Variants in SPAG16 observed in about 807,000 individuals in gnomAD.
The protein encoded by SPAG16 is sperm-associated antigen 16 protein.
Under a neutral mutation model 80.4 loss-of-function variants are expected in SPAG16, and 86 were observed. The ratio of observed to expected loss-of-function variants is 1.07; its 90% CI spans 0.90 to 1.28. The LOEUF is 1.28. Ranked by LOEUF, SPAG16 falls within the 50% of genes most tolerant of loss-of-function variation. The pLI is 0.00. For missense variants in SPAG16, 870 were observed against 765.3 expected (o/e 1.14, Z -1.61); for synonymous variants, 294 against 265.9 (o/e 1.11, Z -1.03).
At chr2:213,550,477 T>C (rs2076748045) in intron 10 of SPAG16, among the ~76,000 whole-genome samples, 2 of 152,114 alleles carry the variant, frequency 1.3e-5, no homozygotes, top group East Asian at 1.9e-4. Context: ...GCTGGTACTT[T>C]TATTTGGAGT....
chr2:213,742,613 G>A (rs567789922), intron 10 of SPAG16, among the ~76,000 whole-genome samples: 14 of 145,760 alleles, frequency 9.6e-5, no homozygotes, highest in South Asian at 2.2e-4. Flanking sequence ...AGTGCGTGGC[G>A]CAATCTCGCC....
chr2:214,045,029 T>A (rs1231356066), intron 13 of SPAG16, among the ~76,000 whole-genome samples: 1 of 152,166 alleles, frequency 6.6e-6, no homozygotes, highest in Non-Finnish European at 1.5e-5. Context: ...TGCACTTTGG[T>A]GGCACATTGA....
At chr2:214,206,200 A>G (rs2058140902) in intron 15 of SPAG16, among the ~76,000 whole-genome samples, 2 of 152,068 alleles carry the variant, frequency 1.3e-5, no homozygotes, top group Non-Finnish European at 2.9e-5. Flanking sequence ...ATATATTGAT[A>G]TCTATTGAAC....
intron 15 of SPAG16, among the ~76,000 whole-genome samples, chr2:214,180,272 G>A (rs1252722145): frequency 6.6e-6 from 1 of 151,540 alleles, no homozygotes; most frequent in Non-Finnish European, 1.5e-5. Context: ...TGACATTTCT[G>A]CATATTTCAT....
chr2:214,386,872 G>C (rs1428476744), intron 15 of SPAG16, among the ~76,000 whole-genome samples: 561 of 35,694 alleles, frequency 0.016, 12 homozygotes, highest in Admixed American at 0.098. Context: ...CTCAAAAAAA[G>C]AGAAAAAAAA....
rs1416676505 is a variant in SPAG16, at chr2:214,184,665, C to G, written c.1720+35399C>G. On this transcript the variant is annotated intron_variant, in intron 15 of 15. Transcript: ENST00000331683. ...TGATAAAAATCTTATTGCCTGATAG[C>G]TCGCAGACATCTGTCAGCAGTTTTG... 2.0e-5 allele frequency among the ~76,000 whole-genome samples: 3 copies of G among 152,154 alleles called. No homozygotes were observed. The East Asian group carries it at 5.8e-4, about 29-fold the overall frequency.
intron 10 of SPAG16, among the ~76,000 whole-genome samples, chr2:213,752,302 AAAT>A (rs1402255077): frequency 6.6e-6 from 1 of 152,200 alleles, no homozygotes; most frequent in Non-Finnish European, 1.5e-5. Context: ...TTTTTAATTT[AAAT>A]AATATGTACT....
At chr2:214,077,001 T>C (rs2051114363) in intron 13 of SPAG16, among the ~76,000 whole-genome samples, 1 of 151,866 alleles carries the variant, frequency 6.6e-6, no homozygotes, top group Non-Finnish European at 1.5e-5. Flanking sequence ...CCTGGAGGAG[T>C]GTGCAGCATG....
intron 10 of SPAG16, among the ~76,000 whole-genome samples, chr2:213,573,227 G>A (rs149982854): frequency 0.059 from 8,968 of 151,916 alleles, 888 homozygotes; most frequent in African/African-American, 0.2. Flanking sequence ...GCTGTAGACC[G>A]GAGCTGTTCC....
chr2:214,233,284 AC>A (rs1688829547), intron 15 of SPAG16, among the ~76,000 whole-genome samples: 1 of 151,910 alleles, frequency 6.6e-6, no homozygotes, highest in Non-Finnish European at 1.5e-5. Context: ...CTTTACAATA[AC>A]ACATTAATCT....
chr2:213,977,198 T>C (rs1377609485), intron 12 of SPAG16, among the ~76,000 whole-genome samples: 5 of 152,002 alleles, frequency 3.3e-5, no homozygotes, highest in Admixed American at 6.6e-5. Context: ...TACTATCCTC[T>C]GACCTCCACA....
intron 10 of SPAG16, among the ~76,000 whole-genome samples, chr2:213,601,214 G>A (rs558125814): frequency 1.2e-3 from 178 of 151,826 alleles, no homozygotes; most frequent in Middle Eastern, 3.5e-3. Context: ...GAAAACTCAG[G>A]GAAGGGACCA....
intron 8 of SPAG16, among the ~76,000 whole-genome samples, chr2:213,365,976 A>T (rs1469898221): frequency 6.7e-6 from 1 of 150,136 alleles, no homozygotes; most frequent in Non-Finnish European, 1.5e-5. Flanking sequence ...CCCCGTCTCT[A>T]CTAAAAATAC....
Position 213,567,239 on chromosome 2 carries a change from T to C in SPAG16, c.1070+77149T>C, listed in dbSNP as rs971737984. On this transcript the variant is annotated intron_variant, in intron 10 of 15. Coordinates refer to ENST00000331683, the MANE Select transcript of SPAG16 (RefSeq NM_024532.5). ...ATTACTTGTTTGACATTGTTTTTTT[T>C]TTTTTATTATACTCTAAGTTTTAGG... Among the ~76,000 whole-genome samples the C allele has an allele frequency of 7.9e-5, 12 of 151,098 alleles. 1 individual carries two copies. The East Asian group carries it at 2.3e-3, about 29-fold the overall frequency.
chr2:213,888,012 A>G (rs1005838581), intron 11 of SPAG16, among the ~76,000 whole-genome samples: 1 of 151,842 alleles, frequency 6.6e-6, no homozygotes, highest in African/African-American at 2.4e-5. Context: ...GTTTTTGAGC[A>G]TATATTATTT....
In SPAG16 at chr2:213,972,409, T is replaced by C. The variant is rs1326413323; in HGVS notation, c.1401-41542T>C. On this transcript the variant is annotated intron_variant, in intron 12 of 15. Transcript: ENST00000331683. ...GTTATAGGCACAGAAAAGATGTTGG[T>C]GTAGTTGGCCAGTTCAAACCTGAAG... is the stretch of plus-strand genomic sequence containing the variant. 2.0e-5 allele frequency among the ~76,000 whole-genome samples: 3 copies of C among 152,252 alleles called. No individual in the cohort carries two copies. In the East Asian group the frequency reaches 5.8e-4, roughly 29 times the overall value.
intron 10 of SPAG16, among the ~76,000 whole-genome samples, chr2:213,609,224 A>C (rs1012329218): frequency 4.6e-5 from 7 of 152,158 alleles, no homozygotes; most frequent in African/African-American, 1.7e-4. Flanking sequence ...GCCTTTTTGC[A>C]GCTATCAGCT....
rs569109921 is a variant in SPAG16, at chr2:213,762,280, G to A, written c.1071-100205G>A. ...ATAAAATAAAAAGAGTGATGGAGAT[G>A]AATAATGGTAATGTGGTTGTACAAC... On this transcript the variant is annotated intron_variant, in intron 10 of 15. Transcript: ENST00000331683. Among the ~76,000 whole-genome samples, 8 of 152,256 alleles carry A rather than the reference G, an allele frequency of 5.3e-5. No homozygotes were observed. The South Asian group carries it at 1.7e-3, about 32-fold the overall frequency.
chr2:213,512,021 C>T (rs1448552217), intron 10 of SPAG16, among the ~76,000 whole-genome samples: 1 of 151,726 alleles, frequency 6.6e-6, no homozygotes, highest in Non-Finnish European at 1.5e-5. Context: ...TATATTACAC[C>T]CCTTTTATAG....
Sources: allele counts gnomAD v4.1 joint callset (sites outside exome capture counted in the v4.1 genomes callset), GRCh38; gene constraint gnomAD v4.1.1; transcripts MANE v1.5; gene names NCBI Gene and HGNC (gene_info 2026-07-23, HGNC 2026-07-21).